The following SOX6 variants were observed in gnomAD, a reference collection of about 807,000 sequenced individuals.
SOX6 encodes transcription factor SOX-6.
SOX6 carries 11 observed loss-of-function variants against 97.8 expected under a neutral mutation model. The observed-to-expected ratio is 0.11, with a 90% CI of 0.07 to 0.19. The LOEUF is 0.19. Among genes scored for constraint, SOX6 ranks in the 10% least tolerant of loss-of-function variants. SOX6 has a pLI of 1.00. For synonymous variants in SOX6, 360 were observed against 371.4 expected, an observed-to-expected ratio of 0.97 and a Z score of 0.35; for missense variants, 810 against 1,039.5, an observed-to-expected ratio of 0.78 and a Z score of 3.04.
At chr11:16,201,478 C>T (rs963423383) in intron 4 of SOX6, among the ~76,000 whole-genome samples, 1 of 150,614 alleles carries the variant, frequency 6.6e-6, no homozygotes, top group African/African-American at 2.4e-5. Flanking sequence ...TATGTAGAAA[C>T]TCATAATAAA....
chr11:16,337,212 G>A (rs1357731603), intron 2 of SOX6, among the ~76,000 whole-genome samples: 1 of 152,020 alleles, frequency 6.6e-6, no homozygotes. Flanking sequence ...AGAAAAAAAA[G>A]TAAGGAAGGG....
At chr11:16,473,801 C>T (rs1296644560) in intron 1 of SOX6, among the ~76,000 whole-genome samples, 2 of 152,086 alleles carry the variant, frequency 1.3e-5, no homozygotes, top group East Asian at 3.9e-4. Context: ...CCAACTGTGG[C>T]AATTTCTTAA....
chr11:16,073,537 G>A (rs892921621), intron 9 of SOX6, among the ~76,000 whole-genome samples: 3 of 152,044 alleles, frequency 2.0e-5, no homozygotes, highest in Admixed American at 6.5e-5. Flanking sequence ...AGCTCATCGA[G>A]CCAGAAATCT....
chr11:16,228,403 A>T (rs1852746462), intron 4 of SOX6, among the ~76,000 whole-genome samples: 1 of 152,198 alleles, frequency 6.6e-6, no homozygotes, highest in Non-Finnish European at 1.5e-5. Flanking sequence ...ATAGCATTCT[A>T]TCCTCAGTAA....
At chr11:16,020,141 T>C (rs1296609499) in intron 12 of SOX6, among the ~76,000 whole-genome samples, 1 of 152,152 alleles carries the variant, frequency 6.6e-6, no homozygotes, top group Non-Finnish European at 1.5e-5. Context: ...TGTGTTCACA[T>C]TGGTGCTGAG....
intron 6 of SOX6, among the ~76,000 whole-genome samples, chr11:16,119,012 G>C (rs1849423048): frequency 6.6e-6 from 1 of 152,148 alleles, no homozygotes; most frequent in Non-Finnish European, 1.5e-5. Flanking sequence ...TTGGGAGAGA[G>C]AGAAGGTGGG....
rs192286285 is a variant in SOX6, at chr11:16,594,951, C to G, written n.609+17130G>C. Reference sequence around the variant, plus strand: ...TGTGATCCGCCCCCCTCGGCCTCCCCGAAGTGCTGGGATTACAGGCGTGAG... The same window carrying G: ...TGTGATCCGCCCCCCTCGGCCTCCCGGAAGTGCTGGGATTACAGGCGTGAG... On this transcript the variant is annotated intron_variant and non_coding_transcript_variant, in intron 4 of 5. Transcript: ENST00000524520. Among the ~76,000 whole-genome samples, 3 of 152,156 alleles carry G rather than the reference C, an allele frequency of 2.0e-5. No homozygotes were observed. The East Asian group carries it at 5.8e-4, about 29-fold the overall frequency.
chr11:16,513,930 T>G (rs1309459285), intron 4 of SOX6, among the ~76,000 whole-genome samples: 1 of 151,716 alleles, frequency 6.6e-6, no homozygotes, highest in Non-Finnish European at 1.5e-5. Flanking sequence ...AATGTAAGAC[T>G]GCAAACTGTT....
At position 16,128,152 on chromosome 11, in the gene SOX6, C is replaced by T. The variant is rs906087468; in HGVS notation, c.778-16229G>A. On this transcript the variant is annotated intron_variant, in intron 6 of 15. Transcript: ENST00000683767. ...AGATTTTTGTATTACAAGTTGAGAG[C>T]AAATACTATACAAATCTAGCATTTC... 4.8e-4 allele frequency among the ~76,000 whole-genome samples: 73 copies of T among 152,108 alleles called. 1 individual carries two copies. Among genetic ancestry groups the T allele is most frequent in the African/African-American group, 1.5e-3 (63 of 41,426 alleles).
At chr11:16,580,381 C>T (rs1848021390) in intron 4 of SOX6, among the ~76,000 whole-genome samples, 1 of 151,988 alleles carries the variant, frequency 6.6e-6, no homozygotes, top group Non-Finnish European at 1.5e-5. Flanking sequence ...AAATGCATAA[C>T]TGAGCATGTA....
At chr11:16,038,631 C>A (rs1321273172) in intron 12 of SOX6, among the ~76,000 whole-genome samples, 1 of 152,022 alleles carries the variant, frequency 6.6e-6, no homozygotes, top group Non-Finnish European at 1.5e-5. Context: ...ATTAGCATAA[C>A]AGTGATAAAG....
intron 2 of SOX6, among the ~76,000 whole-genome samples, chr11:16,336,227 C>T (rs1217387780): frequency 6.6e-6 from 1 of 152,024 alleles, no homozygotes; most frequent in Non-Finnish European, 1.5e-5. Flanking sequence ...GTGCCTTACC[C>T]ACATCTCCAT....
chr11:16,357,026 A>G (rs539837229), upstream of SOX6, among the ~76,000 whole-genome samples: 1 of 152,258 alleles, frequency 6.6e-6, no homozygotes, highest in African/African-American at 2.4e-5. Context: ...TTTGTCAGAG[A>G]CAGGAAAAGA....
Position 16,613,957 on chromosome 11 carries a change from G to A in SOX6, n.430-1697C>T, listed in dbSNP as rs1026478852. ...AGCAAAGGGAGGGCGCCCTGCGGGC[G>A]GGCGGGCCACGCTAGGCGCCGTCTG... On this transcript the variant is annotated intron_variant and non_coding_transcript_variant, in intron 3 of 5. Transcript: ENST00000524520. The surrounding 1 kb of genome is among the most constrained non-coding windows in gnomAD (Gnocchi z 4.6). Among the ~76,000 whole-genome samples, 20 of 152,200 alleles carry A rather than the reference G, an allele frequency of 1.3e-4. No homozygotes were observed. The highest frequency in any genetic ancestry group is 1.2e-3 in the Admixed American group (19 of 15,284).
At chr11:16,139,936 A>C (rs935119706) in intron 6 of SOX6, among the ~76,000 whole-genome samples, 2 of 146,372 alleles carry the variant, frequency 1.4e-5, no homozygotes, top group Non-Finnish European at 3.0e-5. Context: ...AAAAGTAAAA[A>C]ACCTGGCTCA....
intron 3 of SOX6, among the ~76,000 whole-genome samples, chr11:16,633,273 C>T (rs1398474010): frequency 1.3e-5 from 2 of 152,168 alleles, no homozygotes; most frequent in Admixed American, 1.3e-4. Context: ...CAGTTTTTTA[C>T]TTCCTGGAAC....
At chr11:16,473,769 C>G (rs1289259764) in intron 1 of SOX6, among the ~76,000 whole-genome samples, 11 of 152,066 alleles carry the variant, frequency 7.2e-5, no homozygotes, top group Non-Finnish European at 1.0e-4. Flanking sequence ...CCAGGCTGGC[C>G]TCGAACTCCT....
At chr11:16,043,657 T>C (rs1366299881) in intron 12 of SOX6, among the ~76,000 whole-genome samples, 1 of 152,142 alleles carries the variant, frequency 6.6e-6, no homozygotes, top group Non-Finnish European at 1.5e-5. Flanking sequence ...TTATGATATA[T>C]ACAAAGACTG....
intron 3 of SOX6, among the ~76,000 whole-genome samples, chr11:16,683,704 G>A (rs1490350521): frequency 6.6e-6 from 1 of 152,120 alleles, no homozygotes; most frequent in Non-Finnish European, 1.5e-5. Flanking sequence ...AACACCAAAA[G>A]CAATGGCAAC....
Sources: gnomAD v4.1 joint callset for allele counts (sites outside exome capture counted in the v4.1 genomes callset) on GRCh38, gnomAD v4.1.1 for gene constraint, Gnocchi (gnomAD v3.1) non-coding constraint, MANE v1.5 for transcripts, NCBI Gene and HGNC (gene_info 2026-07-23, HGNC 2026-07-21) for gene names.